SLC6A8: variants seen among roughly 807,000 people sequenced by gnomAD.
The protein encoded by SLC6A8 is sodium- and chloride-dependent creatine transporter 1.
Under a neutral mutation model 48.3 loss-of-function variants are expected in SLC6A8, and 6 were observed. That is an observed-to-expected ratio of 0.12 (90% CI 0.07 to 0.25). The LOEUF (loss-of-function observed/expected upper bound fraction) is 0.25, where lower values mean the gene tolerates loss of function less well. Ranked by LOEUF, SLC6A8 falls within the 10% of genes least tolerant of loss-of-function variation. SLC6A8 has a pLI of 1.00. For synonymous variants in SLC6A8, 245 were observed against 244.0 expected (o/e 1.00, Z -0.04); for missense variants, 260 against 551.5 (o/e 0.47, Z 5.29).
In SLC6A8 at chrX:153,692,101, G is replaced by A. The variant is rs782387586; in HGVS notation, c.771G>A (p.Thr257=). 3.3e-6 allele frequency: 4 copies of A among 1,201,156 alleles called. No homozygotes were observed. Among genetic ancestry groups the A allele is most frequent in the East Asian group, 6.0e-5 (2 of 33,613 alleles). The change falls in exon 4 of 13, where the codon ACG becomes ACA. Residue 257 remains threonine (T), a synonymous_variant. Transcript: ENST00000253122. ...GTGTCTGGAAGGGGGTCAAATCCAC[G>A]GGAAAGGTACCACTAGAGGCATGCA... ...YFCVWKGVKS[T]GKIVYFTATF...
Position 153,688,005 on chromosome X carries a change from G to T in SLC6A8, c.-570G>T, listed in dbSNP as rs1474857540. 9.5e-6 allele frequency: 1 copy of T among 105,421 alleles called. No individual in the cohort carries two copies. The highest frequency in any genetic ancestry group is 3.4e-5 in the African/African-American group (1 of 29,183). 8.7% of individuals were successfully genotyped at this position (105,421 alleles called of 1,213,427 possible). A position where few individuals can be genotyped will look rare whatever the true frequency, so the allele number is the denominator to read the frequency against. The stretch of plus-strand genomic sequence containing the variant: ...GAGAGCGGCTGCAGCCGCCGCCGCC[G>T]GGAAGGAGAGGGCGAGGCGCGCCCG... On this transcript the variant is annotated 5_prime_UTR_variant, in exon 1 of 13. Coordinates refer to ENST00000253122, the MANE Select transcript of SLC6A8 (RefSeq NM_005629.4).
chrX:153,692,846 G>A, intron 4 of SLC6A8, 195 bp from the exon 5 acceptor site: 2 of 535,875 alleles, frequency 3.7e-6, no homozygotes, highest in Non-Finnish European at 6.4e-6. Flanking sequence ...GAGGCGCCCA[G>A]GGAGCTTCCC....
In SLC6A8 at chrX:153,694,364, G is replaced by A. The variant is rs1156662124; in HGVS notation, c.1413G>A (p.Gln471=). 8.3e-7 allele frequency: 1 copy of A among 1,211,312 alleles called. No homozygotes were observed. Among genetic ancestry groups the A allele is most frequent in the East Asian group, 3.0e-5 (1 of 33,832 alleles). ...CCCAGGGCGGGATGTACGTCTTCCA[G>A]CTGTTTGACTACTACTCGGCCAGCG... ...MVTDGGMYVF[Q]LFDYYSASGT... The change falls in exon 10 of 13, where the codon CAG becomes CAA. Residue 471 remains glutamine, a synonymous_variant. Coordinates refer to ENST00000253122, the MANE Select transcript of SLC6A8 (RefSeq NM_005629.4).
At position 153,695,970 on chromosome X, in the gene SLC6A8, T is replaced by C. The variant is rs1402624163; in HGVS notation, c.*756T>C. ...GAGAATGAGATTTCTGCTTGTATAT[T>C]TCTAAAAAGAGGAAGGAGCCCAAAC... On this transcript the variant is annotated 3_prime_UTR_variant, in exon 13 of 13. Coordinates refer to ENST00000253122, the MANE Select transcript of SLC6A8 (RefSeq NM_005629.4). 10 of 124,976 alleles carry C rather than the reference T, an allele frequency of 8.0e-5. No homozygotes were observed. Among genetic ancestry groups the C allele is most frequent in the Non-Finnish European group, 1.6e-4 (10 of 61,219 alleles). 10.3% of individuals were successfully genotyped at this position (124,976 alleles called of 1,213,427 possible). A position where few individuals can be genotyped will look rare whatever the true frequency, so the allele number is the denominator to read the frequency against.
In SLC6A8 at chrX:153,692,155, C is replaced by T. The variant is rs782343238; in HGVS notation, c.777+48C>T. 5.7e-5 allele frequency: 66 copies of T among 1,155,864 alleles called. No homozygotes were observed. In the South Asian group the frequency reaches 8.7e-4, roughly 15 times the overall value. On this transcript the variant is annotated intron_variant, in intron 4 of 12. Coordinates refer to ENST00000253122, the MANE Select transcript of SLC6A8 (RefSeq NM_005629.4). ...GGGAGGGTGGCTCAGCCCTGGGAGC[C>T]GGATGTCTGTGCCAGGCACACCTGT...
chrX:153,692,977 C>T (rs782407281), intron 4 of SLC6A8, 64 bp from the exon 5 acceptor site: 11 of 1,188,441 alleles, frequency 9.3e-6, no homozygotes, highest in Middle Eastern at 3.1e-4. Flanking sequence ...GGACCGGAGG[C>T]GCTGGGAGTG....
At position 153,692,607 on chromosome X, in the gene SLC6A8, C is replaced by T. The variant is rs782552044; in HGVS notation, c.778-434C>T. The T allele has an allele frequency of 2.5e-3, 848 of 339,202 alleles. 5 individuals carry two copies. Among genetic ancestry groups the T allele is most frequent in the South Asian group, 0.021 (815 of 38,240 alleles). 28.0% of individuals were successfully genotyped at this position (339,202 alleles called of 1,213,427 possible). A position where few individuals can be genotyped will look rare whatever the true frequency, so the allele number is the denominator to read the frequency against. On this transcript the variant is annotated intron_variant, in intron 4 of 12. Transcript: ENST00000253122. ...GGCAGCTGCATCTCGCCTGCCTCTG[C>T]CTGGCCCAGTTCCACTCTCCACCTG...
chrX:153,695,420 A>T lies in SLC6A8; in HGVS notation c.*206A>T. ...AAAAATATCACAACCCACCAAAAAT[A>T]GATGCCTCTCCCCCTCCAGCCCTAG... On this transcript the variant is annotated 3_prime_UTR_variant, in exon 13 of 13. Coordinates refer to ENST00000253122, the MANE Select transcript of SLC6A8 (RefSeq NM_005629.4). 2.2e-6 allele frequency: 1 copy of T among 456,076 alleles called. No homozygotes were observed. Among genetic ancestry groups the T allele is most frequent in the Admixed American group, 3.4e-5 (1 of 29,764 alleles). The allele number at this position is 456,076 out of a possible 1,213,427, so 37.6% of individuals were successfully genotyped here. A position where few individuals can be genotyped will look rare whatever the true frequency, so the allele number is the denominator to read the frequency against.
Position 153,690,418 on chromosome X carries a change from A to G in SLC6A8, c.306A>G (p.Gly102=), listed in dbSNP as rs781983557. The change falls in exon 2 of 13, where the codon GGA becomes GGG. Residue 102 remains glycine (G), a synonymous_variant. Coordinates refer to ENST00000253122, the MANE Select transcript of SLC6A8 (RefSeq NM_005629.4). ...ACGTCCTGATCGCCCTGGTTGGAGG[A>G]ATCCCCATTTTCTTCTTAGAGATCT... ...IPYVLIALVG[G]IPIFFLEISL... The G allele has an allele frequency of 5.2e-5, 62 of 1,198,094 alleles. No individual in the cohort carries two copies. The highest frequency in any genetic ancestry group is 2.3e-4 in the Middle Eastern group (1 of 4,349).
Position 153,695,799 on chromosome X carries a change from TTG to T in SLC6A8, c.*590_*591del, listed in dbSNP as rs1469115054. 1 of 138,802 alleles carries T rather than the reference TTG, an allele frequency of 7.2e-6. No homozygotes were observed. Among genetic ancestry groups the T allele is most frequent in the African/African-American group, 3.2e-5 (1 of 31,652 alleles). 11.4% of individuals were successfully genotyped at this position (138,802 alleles called of 1,213,427 possible). On this transcript the variant is annotated 3_prime_UTR_variant, in exon 13 of 13. Coordinates refer to ENST00000253122, the MANE Select transcript of SLC6A8 (RefSeq NM_005629.4). Reference sequence around the variant, plus strand: ...CTGCGCCAATCGCCACCAGTATCAATTGTGTGAGCTTGGGTGCGAGTGCACGC... The same window carrying T: ...CTGCGCCAATCGCCACCAGTATCAATTGTGAGCTTGGGTGCGAGTGCACGC...
intron 3 of SLC6A8, 59 bp downstream of exon 3, chrX:153,691,612 C>T: frequency 1.7e-6 from 2 of 1,187,824 alleles, no homozygotes; most frequent in Non-Finnish European, 2.3e-6. Context: ...CTCATGTTGC[C>T]CGGCTCCAGG....
rs1557043702 is a variant in SLC6A8 at position 153,688,569 on chromosome X, GA to G, written c.-5del. 9.9e-7 allele frequency: 1 copy of G among 1,006,226 alleles called. No homozygotes were observed. Among genetic ancestry groups the G allele is most frequent in the Non-Finnish European group, 1.3e-6 (1 of 783,633 alleles). The allele number at this position is 1,006,226 out of a possible 1,213,427, so 82.9% of individuals were successfully genotyped here. A position where few individuals can be genotyped will look rare whatever the true frequency, so the allele number is the denominator to read the frequency against. On this transcript the variant is annotated 5_prime_UTR_variant, in exon 1 of 13. Transcript: ENST00000253122. ...CCCCGGCCCGGCCGTGCGGCCCGCC[GA>G]GGCCATGGCGAAGAAGAGCGCCGAG...
chrX:153,693,212 C>T (rs782429914), intron 5 of SLC6A8, 37 bp downstream of exon 5: 31 of 1,207,505 alleles, frequency 2.6e-5, no homozygotes, highest in East Asian at 1.2e-4. Context: ...CAGGGCGCTG[C>T]GGGGGAGCCC....
Position 153,688,041 on chromosome X carries a change from G to GCCACCA in SLC6A8, c.-532_-531insACCACC, listed in dbSNP as rs1445530103. 2 of 103,190 alleles carry GCCACCA rather than the reference G, an allele frequency of 1.9e-5. No individual in the cohort carries two copies. The highest frequency in any genetic ancestry group is 3.5e-5 in the African/African-American group (1 of 28,221). 8.5% of individuals were successfully genotyped at this position (103,190 alleles called of 1,213,427 possible). ...GGCGAGGCGCGCCCGAGCCGCCGCC[G>GCCACCA]CCGCCGCCACCGCCGCCGCCGCCAC... On this transcript the variant is annotated 5_prime_UTR_variant, in exon 1 of 13. Transcript: ENST00000253122.
At position 153,696,305 on chromosome X, in the gene SLC6A8, G is replaced by A; in HGVS notation, c.*1091G>A. On this transcript the variant is annotated 3_prime_UTR_variant, in exon 13 of 13. Transcript: ENST00000253122. The stretch of plus-strand genomic sequence containing the variant: ...CTGGCCTGCTCAGGCTTCCCACCCT[G>A]TGCGGGGCACACCCCCAGGAAGGGA... 3.1e-6 allele frequency: 1 copy of A among 326,150 alleles called. No homozygotes were observed. The highest frequency in any genetic ancestry group is 3.1e-5 in the Admixed American group (1 of 32,150). 26.9% of individuals were successfully genotyped at this position (326,150 alleles called of 1,213,427 possible).
intron 4 of SLC6A8, 49 bp downstream of exon 4, chrX:153,692,156 G>A (rs781921776): frequency 1.5e-5 from 17 of 1,143,644 alleles, no homozygotes; most frequent in Middle Eastern, 2.4e-4. Flanking sequence ...CCTGGGAGCC[G>A]GATGTCTGTG....
At chrX:153,693,216 G>A in intron 5 of SLC6A8, 41 bp downstream of exon 5, 1 of 1,207,741 alleles carries the variant, frequency 8.3e-7, no homozygotes, top group Non-Finnish European at 1.1e-6. Context: ...GCGCTGCGGG[G>A]GAGCCCTGCA....
chrX:153,691,619 C>A, intron 3 of SLC6A8, 66 bp downstream of exon 3: 2 of 1,172,079 alleles, frequency 1.7e-6, no homozygotes, highest in South Asian at 3.6e-5. Context: ...TGCCCGGCTC[C>A]AGGGGAGTGG....
chrX:153,693,319 C>A lies in SLC6A8; in HGVS notation c.969C>A (p.Ala323=). The A allele has an allele frequency of 1.7e-6, 2 of 1,211,380 alleles. No individual in the cohort carries two copies. The highest frequency in any genetic ancestry group is 2.2e-6 in the Non-Finnish European group (2 of 895,048). Residue 323 remains alanine (A), a synonymous_variant, in exon 6 of 13, where the codon GCC becomes GCA. Transcript: ENST00000253122. ...TTTCTTACGCCATTGGCCTGGGGGC[C>A]CTCACAGCCCTGGGCAGCTACAACC... is the stretch of plus-strand genomic sequence containing the variant. ...IFFSYAIGLG[A]LTALGSYNRF... is the part of the protein sequence containing the mutation.
Sources: gnomAD v4.1 joint callset for allele counts on GRCh38, gnomAD v4.1.1 for gene constraint, MANE v1.5 for transcripts, NCBI Gene and HGNC (gene_info 2026-07-23, HGNC 2026-07-21) for gene names.